The following CELA3B variants were observed in gnomAD, a reference collection of about 807,000 sequenced individuals.
CELA3B encodes the protein chymotrypsin like elastase 3B.
Under a neutral mutation model 37.2 loss-of-function variants are expected in CELA3B, and 34 were observed. The observed-to-expected ratio is 0.91, with a 90% CI of 0.70 to 1.22. The LOEUF is 1.22. Ranked by LOEUF, CELA3B falls within the 50% of genes most tolerant of loss-of-function variation. The pLI is 0.00. For synonymous variants in CELA3B, 127 were observed against 143.5 expected, an observed-to-expected ratio of 0.89 and a Z score of 0.82; for missense variants, 340 against 363.1, an observed-to-expected ratio of 0.94 and a Z score of 0.52.
At position 21,977,211 on chromosome 1, in the gene CELA3B, C is replaced by T. The variant is rs1644777663; in HGVS notation, c.43+129C>T. ...ACAGGAGGGGGTCTCAGCTTGTACC[C>T]GGGGGCATGACTGTGGGGGCTTTCA... On this transcript the variant is annotated intron_variant, in intron 1 of 7. Coordinates refer to ENST00000337107, the MANE Select transcript of CELA3B (RefSeq NM_007352.4). 1.8e-5 allele frequency: 25 copies of T among 1,370,052 alleles called. No individual in the cohort carries two copies. In the East Asian group the frequency reaches 2.8e-4, roughly 15 times the overall value. The allele number at this position is 1,370,052 out of a possible 1,614,324, so 84.9% of individuals were successfully genotyped here. A position where few individuals can be genotyped will look rare whatever the true frequency, so the allele number is the denominator to read the frequency against.
At position 21,995,546 on chromosome 1, in the gene CELA3B, G is replaced by C. The variant is rs1411981897; in HGVS notation, c.505-2605G>C. Among the ~76,000 whole-genome samples the C allele has an allele frequency of 2.0e-5, 3 of 151,360 alleles. 1 individual carries two copies. In the East Asian group the frequency reaches 5.8e-4, roughly 29 times the overall value. On this transcript the variant is annotated intron_variant, in intron 4 of 4. Transcript: ENST00000400277. ...TGTGTGCTGATTTCTGGCTGTGGCA[G>C]AAGAGATGCCTACAAATTTCAGGTT... is the stretch of plus-strand genomic sequence containing the variant.
At chr1:21,980,501 C>T (rs1392902170) in intron 2 of CELA3B, among the ~76,000 whole-genome samples, 1 of 151,198 alleles carries the variant, frequency 6.6e-6, no homozygotes, top group African/African-American at 2.4e-5. Flanking sequence ...AGTCACAGGG[C>T]GAGGGGTGCG....
At chr1:21,992,173 G>C (rs1469875677), downstream of CELA3B, among the ~76,000 whole-genome samples, 3 of 151,410 alleles carry the variant, frequency 2.0e-5, no homozygotes. Flanking sequence ...TGACACATGT[G>C]TACTGAACAA....
At chr1:21,982,493 A>T (rs1644811650) in intron 4 of CELA3B, among the ~76,000 whole-genome samples, 1 of 151,882 alleles carries the variant, frequency 6.6e-6, no homozygotes, top group Non-Finnish European at 1.5e-5. Flanking sequence ...GCTACTCTGG[A>T]GGCTGAGGCA....
At chr1:21,979,154 C>T (rs1274709897) in intron 2 of CELA3B, among the ~76,000 whole-genome samples, 1 of 151,630 alleles carries the variant, frequency 6.6e-6, no homozygotes, top group Non-Finnish European at 1.5e-5. Context: ...CTCACTGCAA[C>T]CTCTGCCACC....
chr1:21,983,832 T>C lies in CELA3B; in HGVS notation c.499+2T>C. On this transcript the variant is annotated splice_donor_variant, in intron 5 of 7. Transcript: ENST00000337107. LOFTEE classifies it high-confidence loss of function. ...TCACCGGCTGGGGCCGTCTCTATAG[T>C]ACGTGCTGACTTCTCTAGCTGGCCA... 1 of 1,613,878 alleles carries C rather than the reference T, an allele frequency of 6.2e-7. No individual in the cohort carries two copies. The highest frequency in any genetic ancestry group is 2.2e-5 in the East Asian group (1 of 44,874).
chr1:21,982,229 G>A lies in CELA3B; in HGVS notation c.362+1057G>A, dbSNP rs1445329657. Among the ~76,000 whole-genome samples the A allele has an allele frequency of 3.3e-5, 5 of 152,244 alleles. 1 individual carries two copies. The East Asian group carries it at 7.7e-4, about 24-fold the overall frequency. Reference sequence around the variant, plus strand: ...CCAGACAAAAGGACTGGAGTGACACGCAGGCAGGTGAAGACAGAGGGCAGT... The same window carrying A: ...CCAGACAAAAGGACTGGAGTGACACACAGGCAGGTGAAGACAGAGGGCAGT... On this transcript the variant is annotated intron_variant, in intron 4 of 7. Coordinates refer to ENST00000337107, the MANE Select transcript of CELA3B (RefSeq NM_007352.4).
At chr1:21,985,503 CT>C (rs1198989971) in intron 6 of CELA3B, among the ~76,000 whole-genome samples, 2 of 151,774 alleles carry the variant, frequency 1.3e-5, no homozygotes, top group African/African-American at 4.8e-5. Context: ...GTCTCTAACT[CT>C]TGGGCTCAAG....
chr1:21,994,244 G>A (rs1416448800), downstream of CELA3B, among the ~76,000 whole-genome samples: 2 of 150,766 alleles, frequency 1.3e-5, no homozygotes, highest in Non-Finnish European at 3.0e-5. Context: ...TTGAAAGGCT[G>A]GAGGGAGAGA....
chr1:21,985,124 CT>C (rs970311958), intron 6 of CELA3B, among the ~76,000 whole-genome samples: 27 of 148,720 alleles, frequency 1.8e-4, no homozygotes, highest in Non-Finnish European at 3.4e-4. Context: ...ACAAAAAAAA[CT>C]TTTTTAAATT....
chr1:21,997,362 A>G (rs114588228), intron 4 of CELA3B, among the ~76,000 whole-genome samples: 14,698 of 143,754 alleles, frequency 0.1, 2,584 homozygotes, highest in African/African-American at 0.33. Context: ...AAAAAAAAAA[A>G]AAGAGCAAGA....
At chr1:21,993,305 AC>A (rs71016959), downstream of CELA3B, among the ~76,000 whole-genome samples, 24,801 of 147,810 alleles carry the variant, frequency 0.17, 1 homozygote, top group East Asian at 0.32. Context: ...TAATAAAAAT[AC>A]AAAAAATTAG....
At chr1:21,995,301 G>T (rs1644885907) in intron 4 of CELA3B, among the ~76,000 whole-genome samples, 1 of 150,552 alleles carries the variant, frequency 6.6e-6, no homozygotes, top group South Asian at 2.1e-4. Flanking sequence ...ATCACGTCTG[G>T]CTAATTTTTG....
intron 6 of CELA3B, among the ~76,000 whole-genome samples, 180 bp downstream of exon 6, chr1:21,984,511 C>A (rs1230087490): frequency 6.6e-6 from 1 of 151,794 alleles, no homozygotes; most frequent in Non-Finnish European, 1.5e-5. Flanking sequence ...GGAGTCAGGA[C>A]CCCCGGGTTG....
chr1:21,980,967 G>A, intron 3 of CELA3B, 46 bp downstream of exon 3: 1 of 1,614,142 alleles, frequency 6.2e-7, no homozygotes, highest in Non-Finnish European at 8.5e-7. Flanking sequence ...GGCAGCTGGG[G>A]AGGGTGGGTG....
chr1:21,995,328 G>A (rs1370770004), intron 4 of CELA3B, among the ~76,000 whole-genome samples: 6 of 150,500 alleles, frequency 4.0e-5, no homozygotes, highest in South Asian at 4.2e-4. Context: ...TAGTAAAGAC[G>A]GGGGTTTCAC....
chr1:21,989,616 A>G (rs1644860659), downstream of CELA3B, among the ~76,000 whole-genome samples: 2 of 149,586 alleles, frequency 1.3e-5, no homozygotes, highest in African/African-American at 5.0e-5. Context: ...TCGCCTTAGT[A>G]TATAGTCGCA....
intron 4 of CELA3B, among the ~76,000 whole-genome samples, chr1:21,995,130 C>A (rs1160873665): frequency 1.5e-5 from 2 of 133,612 alleles, no homozygotes; most frequent in African/African-American, 6.3e-5. Context: ...TGGCTCTCCC[C>A]CTTTCTTTTC....
At chr1:21,997,643 C>A (rs1308265879) in intron 4 of CELA3B, among the ~76,000 whole-genome samples, 1 of 150,292 alleles carries the variant, frequency 6.7e-6, no homozygotes, top group Admixed American at 6.6e-5. Flanking sequence ...GAGCCGAGAT[C>A]TAGCCATTGC....
Sources: gnomAD v4.1 joint callset for allele counts (sites outside exome capture counted in the v4.1 genomes callset) on GRCh38, gnomAD v4.1.1 for gene constraint, MANE v1.5 for transcripts, NCBI Gene and HGNC (gene_info 2026-07-23, HGNC 2026-07-21) for gene names.